The following CCDC178 variants were observed in gnomAD, a reference collection of about 807,000 sequenced individuals.
The protein encoded by CCDC178 is coiled-coil domain-containing protein 178.
In CCDC178, 126 loss-of-function variants were observed where a neutral mutation model predicts 117.4. The ratio of observed to expected loss-of-function variants is 1.07; its 90% CI spans 0.93 to 1.24. The LOEUF (loss-of-function observed/expected upper bound fraction) is 1.24. Ranked by LOEUF, CCDC178 falls within the 50% of genes most tolerant of loss-of-function variation. CCDC178 has a pLI of 0.00. For missense variants in CCDC178, 1,030 were observed against 986.9 expected, an observed-to-expected ratio of 1.04 and a Z score of -0.59; for synonymous variants, 283 against 313.4, an observed-to-expected ratio of 0.90 and a Z score of 1.02.
At chr18:33,345,554 C>A (rs1216195132) in intron 9 of CCDC178, among the ~76,000 whole-genome samples, 1 of 152,170 alleles carries the variant, frequency 6.6e-6, no homozygotes. Flanking sequence ...TCACTTAAAA[C>A]TCTTTCAATT....
At chr18:33,049,852 G>C (rs1034222599) in intron 21 of CCDC178, among the ~76,000 whole-genome samples, 5 of 151,680 alleles carry the variant, frequency 3.3e-5, no homozygotes, top group South Asian at 2.1e-4. Flanking sequence ...GGAGGCCGAG[G>C]GGGGTGGATA....
chr18:33,179,851 C>T (rs1346540366), intron 20 of CCDC178, among the ~76,000 whole-genome samples: 2 of 152,038 alleles, frequency 1.3e-5, no homozygotes, highest in Non-Finnish European at 2.9e-5. Context: ...GTTTTAACAC[C>T]GCTAGTCTAC....
chr18:33,019,913 ATATTATTATTAT>A (rs35536059), intron 21 of CCDC178, among the ~76,000 whole-genome samples: 4,914 of 137,574 alleles, frequency 0.036, 139 homozygotes, highest in African/African-American at 0.076. Context: ...CTTAACTGAG[ATATTATTATTAT>A]TATTATTATT....
rs768374657 is a variant in CCDC178, at chr18:33,389,528, T to C, written c.208+12A>G. The C allele has an allele frequency of 8.1e-6, 11 of 1,366,072 alleles. No homozygotes were observed. Among genetic ancestry groups the C allele is most frequent in the Non-Finnish European group, 1.1e-5 (11 of 1,012,190 alleles). The allele number at this position is 1,366,072 out of a possible 1,614,324, so 84.6% of individuals were successfully genotyped here. ...TATATAGTTTACTATATGATTTACA[T>C]TCAGTCCTCACCTTCAGTATTTGTC... On this transcript the variant is annotated intron_variant, in intron 5 of 22. Transcript: ENST00000383096.
chr18:33,102,784 G>A (rs1375456553), intron 20 of CCDC178, among the ~76,000 whole-genome samples: 1 of 151,724 alleles, frequency 6.6e-6, no homozygotes, highest in African/African-American at 2.4e-5. Flanking sequence ...TTGGTATAGG[G>A]GAAAATGATA....
At chr18:33,266,019 T>C (rs887224952) in intron 14 of CCDC178, among the ~76,000 whole-genome samples, 1 of 151,866 alleles carries the variant, frequency 6.6e-6, no homozygotes, top group Non-Finnish European at 1.5e-5. Context: ...AGAATACTAG[T>C]ATAGTAGTTG....
chr18:33,219,114 T>C (rs2059201728), intron 18 of CCDC178, among the ~76,000 whole-genome samples: 1 of 152,164 alleles, frequency 6.6e-6, no homozygotes, highest in South Asian at 2.1e-4. Context: ...TATTGTGTCC[T>C]CTTTTATTTC....
intron 14 of CCDC178, among the ~76,000 whole-genome samples, chr18:33,245,706 T>C (rs1431317464): frequency 6.6e-6 from 1 of 151,858 alleles, no homozygotes; most frequent in African/African-American, 2.4e-5. Context: ...TTTTTGAACA[T>C]TCAAAATCCC....
At chr18:33,411,960 CT>C in intron 3 of CCDC178, 70 bp downstream of exon 3, 1 of 801,248 alleles carries the variant, frequency 1.2e-6, no homozygotes, top group Non-Finnish European at 2.0e-6. Context: ...AGTTGCCCTC[CT>C]CTGTAAGTGA....
At chr18:33,294,120 C>G (rs1444163553) in intron 11 of CCDC178, among the ~76,000 whole-genome samples, 2 of 152,122 alleles carry the variant, frequency 1.3e-5, no homozygotes, top group African/African-American at 2.4e-5. Context: ...TTATTTGTTC[C>G]TATATGACCC....
At chr18:33,192,379 T>A (rs1018649885) in intron 20 of CCDC178, among the ~76,000 whole-genome samples, 2 of 152,184 alleles carry the variant, frequency 1.3e-5, no homozygotes, top group Non-Finnish European at 2.9e-5. Flanking sequence ...CTGAATTTTC[T>A]CAGCACTTAA....
intron 19 of CCDC178, among the ~76,000 whole-genome samples, chr18:33,215,106 GAT>G (rs1421904577): frequency 1.3e-5 from 2 of 151,950 alleles, no homozygotes; most frequent in South Asian, 4.1e-4. Flanking sequence ...TGAGGTGACT[GAT>G]AAGAAACTTT....
chr18:33,413,186 G>C (rs1687376672), intron 2 of CCDC178, among the ~76,000 whole-genome samples: 1 of 152,046 alleles, frequency 6.6e-6, no homozygotes, highest in African/African-American at 2.4e-5. Context: ...TGTTTTACAA[G>C]TCAGAAAATC....
intron 18 of CCDC178, 122 bp downstream of exon 18, chr18:33,222,984 T>C: frequency 1.5e-6 from 1 of 685,670 alleles, no homozygotes; most frequent in South Asian, 2.0e-5. Context: ...TTATCCCTAG[T>C]CGATTTAGTG....
chr18:33,421,571 T>C (rs527365244), intron 2 of CCDC178, among the ~76,000 whole-genome samples: 19 of 152,314 alleles, frequency 1.2e-4, no homozygotes, highest in African/African-American at 4.3e-4. Flanking sequence ...GTTTTTGTCT[T>C]GAGAGCTAGT....
At chr18:33,367,910 C>T (rs543609247) in intron 6 of CCDC178, among the ~76,000 whole-genome samples, 10 of 151,856 alleles carry the variant, frequency 6.6e-5, no homozygotes, top group Admixed American at 6.6e-5. Flanking sequence ...AGATAAAACT[C>T]GTATTTATTT....
chr18:33,140,255 A>C (rs979411357), intron 20 of CCDC178, among the ~76,000 whole-genome samples: 2 of 152,108 alleles, frequency 1.3e-5, no homozygotes, highest in African/African-American at 2.4e-5. Context: ...GAGCCCCCAC[A>C]ATGAGTCCCT....
At chr18:33,294,244 T>C (rs2062075220) in intron 11 of CCDC178, among the ~76,000 whole-genome samples, 1 of 152,118 alleles carries the variant, frequency 6.6e-6, no homozygotes, top group South Asian at 2.1e-4. Flanking sequence ...GGTTGTTTAA[T>C]GGAGCAAAAA....
chr18:33,344,338 A>G (rs1373257681), intron 9 of CCDC178, among the ~76,000 whole-genome samples: 7 of 151,108 alleles, frequency 4.6e-5, no homozygotes, highest in East Asian at 1.9e-4. Flanking sequence ...AAAAAAATAC[A>G]TAACAATAAT....
Sources: allele counts gnomAD v4.1 joint callset (sites outside exome capture counted in the v4.1 genomes callset), GRCh38; gene constraint gnomAD v4.1.1; transcripts MANE v1.5; gene names NCBI Gene and HGNC (gene_info 2026-07-23, HGNC 2026-07-21).